SGCD: variants seen among roughly 807,000 people sequenced by gnomAD.
The protein encoded by SGCD is delta-sarcoglycan.
SGCD carries 18 observed loss-of-function variants against 36.6 expected under a neutral mutation model. That is an observed-to-expected ratio of 0.49 (90% CI 0.34 to 0.73). The LOEUF is 0.73. SGCD is among the 30% of genes least tolerant of loss of function. SGCD has a pLI of 0.01. For missense variants in SGCD, 387 were observed against 346.7 expected, an observed-to-expected ratio of 1.12 and a Z score of -0.92; for synonymous variants, 133 against 130.6, an observed-to-expected ratio of 1.02 and a Z score of -0.12.
chr5:156,034,991 G>T (rs916960187), intron 1 of SGCD, among the ~76,000 whole-genome samples: 6 of 152,032 alleles, frequency 3.9e-5, no homozygotes, highest in Non-Finnish European at 8.8e-5. Context: ...CATACTTTTT[G>T]GCAATTTTTA....
At chr5:156,516,050 A>G (rs1484982220) in intron 4 of SGCD, among the ~76,000 whole-genome samples, 2 of 152,216 alleles carry the variant, frequency 1.3e-5, no homozygotes, top group African/African-American at 4.8e-5. Context: ...GGGGAGAAGC[A>G]GCTATGGTCT....
chr5:156,640,863 G>A (rs1395511446), intron 6 of SGCD, among the ~76,000 whole-genome samples: 2 of 152,276 alleles, frequency 1.3e-5, no homozygotes, highest in South Asian at 2.1e-4. Flanking sequence ...TTTATTAAAT[G>A]CCAGCAGCAG....
In SGCD at chr5:156,444,105, TCTCTCTCTCTCC is replaced by T. The variant is rs1356697859; in HGVS notation, c.193-64494_193-64483del. Among the ~76,000 whole-genome samples the T allele has an allele frequency of 4.1e-3, 428 of 105,326 alleles. 11 individuals are homozygous for T. The highest frequency in any genetic ancestry group is 0.021 in the African/African-American group (406 of 19,646). The allele number at this position is 105,326 out of a possible 152,430, so 69.1% of individuals were successfully genotyped here. Reference sequence around the variant, plus strand: ...CTCTCTCTCTCTCTCTCTCTCTCTCTCTCTCTCTCTCCCCTTCCCTCTCTCTCTCTCTCCTTC... The same window carrying T: ...CTCTCTCTCTCTCTCTCTCTCTCTCTCCTTCCCTCTCTCTCTCTCTCCTTC... On this transcript the variant is annotated intron_variant, in intron 3 of 8. Coordinates refer to ENST00000337851, the MANE Select transcript of SGCD (RefSeq NM_000337.6).
intron 1 of SGCD, among the ~76,000 whole-genome samples, chr5:156,027,218 T>A (rs1019641190): frequency 6.6e-6 from 1 of 152,218 alleles, no homozygotes; most frequent in Non-Finnish European, 1.5e-5. Flanking sequence ...TCATTCCTAG[T>A]TGATATTCCA....
At chr5:156,082,621 C>A (rs1285901066) in intron 1 of SGCD, among the ~76,000 whole-genome samples, 1 of 152,156 alleles carries the variant, frequency 6.6e-6, no homozygotes, top group African/African-American at 2.4e-5. Context: ...CTTAAACATT[C>A]ATTTCTTGAA....
At chr5:156,024,107 G>C (rs562166510) in intron 1 of SGCD, among the ~76,000 whole-genome samples, 1 of 152,098 alleles carries the variant, frequency 6.6e-6, no homozygotes, top group African/African-American at 2.4e-5. Flanking sequence ...GGATGGCAGC[G>C]TAAGTATCGG....
At chr5:156,002,175 G>A (rs898803124) in intron 1 of SGCD, among the ~76,000 whole-genome samples, 2 of 152,020 alleles carry the variant, frequency 1.3e-5, no homozygotes, top group Non-Finnish European at 1.5e-5. Context: ...AGGTGCTTAC[G>A]GTGAGCCCTA....
chr5:155,830,295 T>C, the SGCD span, among the ~76,000 whole-genome samples: 1 of 152,170 alleles, frequency 6.6e-6, no homozygotes, highest in Non-Finnish European at 1.5e-5. Flanking sequence ...AATACTACTT[T>C]TTTGCAGTGT....
At chr5:156,579,850 G>A (rs1048420738) in intron 4 of SGCD, among the ~76,000 whole-genome samples, 1 of 152,114 alleles carries the variant, frequency 6.6e-6, no homozygotes, top group African/African-American at 2.4e-5. Context: ...ACACTGATGG[G>A]TCTTGACTCT....
intron 1 of SGCD, among the ~76,000 whole-genome samples, chr5:156,022,571 A>G (rs1759130256): frequency 6.6e-6 from 1 of 152,222 alleles, no homozygotes; most frequent in South Asian, 2.1e-4. Context: ...AGAAGAAACG[A>G]GTTGACATAG....
At chr5:156,147,055 T>C (rs1317002226) in intron 3 of SGCD, among the ~76,000 whole-genome samples, 1 of 152,084 alleles carries the variant, frequency 6.6e-6, no homozygotes, top group Non-Finnish European at 1.5e-5. Context: ...TTAATGAAAA[T>C]AATAAGAAGA....
At chr5:156,591,991 G>T (rs1288343230) in intron 5 of SGCD, among the ~76,000 whole-genome samples, 1 of 152,136 alleles carries the variant, frequency 6.6e-6, no homozygotes, top group East Asian at 1.9e-4. Flanking sequence ...TCCACTTTAT[G>T]TTCTGTGAAG....
intron 1 of SGCD, among the ~76,000 whole-genome samples, chr5:156,006,340 C>T (rs1261077493): frequency 6.6e-6 from 1 of 152,138 alleles, no homozygotes; most frequent in Non-Finnish European, 1.5e-5. Context: ...AATGACAAAT[C>T]TCTTTGATTA....
chr5:156,539,306 G>T (rs1758254622), intron 4 of SGCD, among the ~76,000 whole-genome samples: 2 of 151,862 alleles, frequency 1.3e-5, no homozygotes, highest in African/African-American at 4.8e-5. Context: ...GTGGTTTGGG[G>T]TTACATGAAT....
chr5:155,914,932 T>C (rs1756705863), intron 1 of SGCD, among the ~76,000 whole-genome samples: 2 of 152,238 alleles, frequency 1.3e-5, no homozygotes, highest in African/African-American at 4.8e-5. Flanking sequence ...ACCCTGGATA[T>C]GTATTATGAC....
chr5:155,870,732 A>G (rs970952279), intron 1 of SGCD, among the ~76,000 whole-genome samples: 1 of 152,112 alleles, frequency 6.6e-6, no homozygotes, highest in Non-Finnish European at 1.5e-5. Flanking sequence ...ACCTGCTCCC[A>G]TGTCAAAAAC....
chr5:156,162,761 G>C (rs547100917), intron 3 of SGCD, among the ~76,000 whole-genome samples: 3 of 151,750 alleles, frequency 2.0e-5, no homozygotes, highest in African/African-American at 7.3e-5. Context: ...CAATTCACAT[G>C]CACATCAAAA....
chr5:156,607,197 C>T (rs979367665), intron 6 of SGCD, among the ~76,000 whole-genome samples: 3 of 152,100 alleles, frequency 2.0e-5, no homozygotes, highest in African/African-American at 7.2e-5. Context: ...ATAGATAGCT[C>T]TTATTATTTT....
At chr5:156,247,661 AC>A (rs1765472681) in intron 3 of SGCD, among the ~76,000 whole-genome samples, 1 of 152,376 alleles carries the variant, frequency 6.6e-6, no homozygotes, top group African/African-American at 2.4e-5. Context: ...AAGATAGACA[AC>A]TTGGTAGAAT....
Sources: allele counts gnomAD v4.1 joint callset (sites outside exome capture counted in the v4.1 genomes callset), GRCh38; gene constraint gnomAD v4.1.1; transcripts MANE v1.5; gene names NCBI Gene and HGNC (gene_info 2026-07-23, HGNC 2026-07-21).